Variants in GRID1 observed in about 807,000 individuals in gnomAD.
GRID1 encodes the protein glutamate receptor ionotropic, delta-1.
In GRID1, 28 loss-of-function variants were observed where a neutral mutation model predicts 98.0. The ratio of observed to expected loss-of-function variants is 0.29; its 90% CI spans 0.21 to 0.39. The LOEUF is 0.39. GRID1 is among the 10% of genes least tolerant of loss of function. The probability of loss-of-function intolerance (pLI) is 1.00; values close to 1 mark genes in which losing one functional copy is unlikely to be tolerated. For synonymous variants in GRID1, 553 were observed against 538.5 expected (o/e 1.03, Z -0.37); for missense variants, 1,111 against 1,340.5 (o/e 0.83, Z 2.67).
At chr10:86,111,197 C>CT (rs936200600) in intron 4 of GRID1, among the ~76,000 whole-genome samples, 2 of 152,154 alleles carry the variant, frequency 1.3e-5, no homozygotes, top group African/African-American at 4.8e-5. Flanking sequence ...TCCAATATCT[C>CT]TTTTTTTTAC....
intron 8 of GRID1, among the ~76,000 whole-genome samples, chr10:85,780,462 C>T (rs1195246290): frequency 4.6e-5 from 7 of 152,190 alleles, no homozygotes; most frequent in Admixed American, 4.6e-4. Flanking sequence ...GGCAGAAGTC[C>T]TGTTTCTCCT....
At chr10:85,895,640 G>C (rs1028586697) in intron 5 of GRID1, among the ~76,000 whole-genome samples, 1 of 152,176 alleles carries the variant, frequency 6.6e-6, no homozygotes, top group African/African-American at 2.4e-5. Context: ...TGAGCTGAGG[G>C]ACAAAAACCT....
At chr10:86,149,123 G>A (rs1845127179) in intron 3 of GRID1, among the ~76,000 whole-genome samples, 1 of 152,170 alleles carries the variant, frequency 6.6e-6, no homozygotes, top group South Asian at 2.1e-4. Context: ...ATCAAGAAGG[G>A]AGGTGCCATC....
At chr10:86,004,516 C>T (rs1842836627) in intron 4 of GRID1, among the ~76,000 whole-genome samples, 1 of 152,138 alleles carries the variant, frequency 6.6e-6, no homozygotes, top group African/African-American at 2.4e-5. Flanking sequence ...GAGTGGGCCT[C>T]ATCCAATCAG....
chr10:86,221,950 G>T (rs1241465137), intron 2 of GRID1, among the ~76,000 whole-genome samples: 1 of 152,112 alleles, frequency 6.6e-6, no homozygotes, highest in Non-Finnish European at 1.5e-5. Context: ...GGGAGGGCAG[G>T]GGGTGGGAGG....
intron 3 of GRID1, among the ~76,000 whole-genome samples, chr10:86,154,864 A>G (rs966635690): frequency 1.3e-5 from 2 of 152,118 alleles, no homozygotes; most frequent in African/African-American, 4.8e-5. Context: ...ACACCCCAGC[A>G]GTGCACCCAG....
chr10:86,237,995 G>A (rs941258408), intron 2 of GRID1, among the ~76,000 whole-genome samples: 7 of 152,188 alleles, frequency 4.6e-5, no homozygotes, highest in African/African-American at 1.7e-4. Flanking sequence ...TTTGGAACTG[G>A]GTAATTGCCA....
intron 4 of GRID1, among the ~76,000 whole-genome samples, chr10:85,940,694 T>C (rs1841987930): frequency 6.6e-6 from 1 of 152,232 alleles, no homozygotes; most frequent in African/African-American, 2.4e-5. Flanking sequence ...AGGGAGAACT[T>C]TGACTGCCTG....
chr10:85,738,131 T>C (rs1841905223), intron 8 of GRID1, among the ~76,000 whole-genome samples: 1 of 152,072 alleles, frequency 6.6e-6, no homozygotes, highest in Non-Finnish European at 1.5e-5. Context: ...CCAAAAGTTA[T>C]AGGAAAATAT....
At chr10:85,934,446 AC>A (rs1818933888) in intron 4 of GRID1, among the ~76,000 whole-genome samples, 3 of 151,214 alleles carry the variant, frequency 2.0e-5, no homozygotes, top group Admixed American at 6.6e-5. Context: ...ACACACACAC[AC>A]ACACACACAG....
intron 2 of GRID1, among the ~76,000 whole-genome samples, chr10:86,279,105 C>T (rs1847316924): frequency 6.6e-6 from 1 of 152,102 alleles, no homozygotes; most frequent in African/African-American, 2.4e-5. Flanking sequence ...GGGTGGAGCT[C>T]TCATGAATGT....
chr10:85,967,112 T>G (rs934796736), intron 4 of GRID1, among the ~76,000 whole-genome samples: 2 of 152,182 alleles, frequency 1.3e-5, no homozygotes, highest in African/African-American at 4.8e-5. Flanking sequence ...GTAAGATATA[T>G]CTTGCTTCCC....
chr10:85,867,552 A>G (rs1024176711), intron 6 of GRID1, among the ~76,000 whole-genome samples: 1 of 152,228 alleles, frequency 6.6e-6, no homozygotes, highest in African/African-American at 2.4e-5. Context: ...AATCATGACT[A>G]CAGAGGCACA....
chr10:86,227,775 T>G (rs564693470), intron 2 of GRID1, among the ~76,000 whole-genome samples: 2 of 152,242 alleles, frequency 1.3e-5, no homozygotes, highest in Admixed American at 6.5e-5. Context: ...CCATCCTCCC[T>G]CCATCATGGG....
chr10:86,163,719 G>T (rs1845356531), intron 3 of GRID1, among the ~76,000 whole-genome samples: 1 of 152,210 alleles, frequency 6.6e-6, no homozygotes, highest in Non-Finnish European at 1.5e-5. Context: ...CAGGGACTCT[G>T]TGTGGGAGGC....
At chr10:86,063,346 G>A (rs1843674974) in intron 4 of GRID1, among the ~76,000 whole-genome samples, 2 of 152,188 alleles carry the variant, frequency 1.3e-5, no homozygotes, top group African/African-American at 4.8e-5. Flanking sequence ...GGAGCTCATG[G>A]TGAACTGGAC....
At chr10:85,756,000 C>T (rs545857359) in intron 8 of GRID1, among the ~76,000 whole-genome samples, 20 of 152,100 alleles carry the variant, frequency 1.3e-4, no homozygotes, top group Non-Finnish European at 2.4e-4. Flanking sequence ...ACCCTCAGCA[C>T]CCATTCTCCT....
intron 8 of GRID1, among the ~76,000 whole-genome samples, chr10:85,822,982 G>A (rs1842786808): frequency 6.6e-6 from 1 of 152,146 alleles, no homozygotes; most frequent in African/African-American, 2.4e-5. Context: ...GGTGGGAACT[G>A]AATAATGAGA....
intron 6 of GRID1, among the ~76,000 whole-genome samples, chr10:85,864,351 A>G (rs1028136237): frequency 3.9e-5 from 6 of 152,206 alleles, no homozygotes; most frequent in African/African-American, 1.4e-4. Flanking sequence ...GGATGCAGGG[A>G]GCTCCACTCA....
Sources: allele counts gnomAD v4.1 joint callset (sites outside exome capture counted in the v4.1 genomes callset), GRCh38; gene constraint gnomAD v4.1.1; transcripts MANE v1.5; gene names NCBI Gene and HGNC (gene_info 2026-07-23, HGNC 2026-07-21).